OSBPL1A: variants seen among roughly 807,000 people sequenced by gnomAD.
OSBPL1A encodes the protein oxysterol binding protein like 1A.
A neutral mutation model predicts 137.1 loss-of-function variants in OSBPL1A; 80 were observed. The ratio of observed to expected loss-of-function variants is 0.58; its 90% confidence interval spans 0.49 to 0.70. OSBPL1A has a LOEUF of 0.70. OSBPL1A is among the 30% of genes least tolerant of loss of function. OSBPL1A has a pLI of 0.00. For synonymous variants in OSBPL1A, 365 were observed against 389.7 expected (o/e 0.94, Z 0.75); for missense variants, 970 against 1,129.4 (o/e 0.86, Z 2.02).
At chr18:24,317,810 C>T (rs866681037) in intron 9 of OSBPL1A, among the ~76,000 whole-genome samples, 2 of 152,262 alleles carry the variant, frequency 1.3e-5, no homozygotes, top group African/African-American at 4.8e-5. Flanking sequence ...GGATTGCTTG[C>T]AAATGCAAAA....
In OSBPL1A at chr18:24,178,512, C is replaced by T. The variant is rs1330930279; in HGVS notation, c.1911-317G>A. ...TTCATCATGTTGGCCAGGTTGGTTT[C>T]GAACTCCTGACCTCGTGATCAACCC... On this transcript the variant is annotated intron_variant, in intron 20 of 27. Coordinates refer to ENST00000319481, the MANE Select transcript of OSBPL1A (RefSeq NM_080597.4). Among the ~76,000 whole-genome samples, 3 of 152,140 alleles carry T rather than the reference C, an allele frequency of 2.0e-5. No homozygotes were observed. In the East Asian group the frequency reaches 5.8e-4, roughly 29 times the overall value.
intron 13 of OSBPL1A, among the ~76,000 whole-genome samples, chr18:24,305,610 G>A (rs930509495): frequency 6.6e-6 from 1 of 152,132 alleles, no homozygotes; most frequent in Non-Finnish European, 1.5e-5. Flanking sequence ...ATTTTGCAGA[G>A]TCCAACATGG....
chr18:24,230,440 C>CAACA (rs1366242098), intron 16 of OSBPL1A, among the ~76,000 whole-genome samples: 1 of 152,088 alleles, frequency 6.6e-6, no homozygotes, highest in Non-Finnish European at 1.5e-5. Context: ...ATAAAAACAA[C>CAACA]AACAAACAAA....
At chr18:24,346,865 A>G (rs1318163524) in intron 4 of OSBPL1A, among the ~76,000 whole-genome samples, 1 of 151,906 alleles carries the variant, frequency 6.6e-6, no homozygotes, top group Non-Finnish European at 1.5e-5. Flanking sequence ...TCAGCCTCCC[A>G]AAGTGCTGGG....
intron 6 of OSBPL1A, among the ~76,000 whole-genome samples, chr18:24,333,420 C>G (rs2091119862): frequency 6.6e-6 from 1 of 152,248 alleles, no homozygotes; most frequent in Non-Finnish European, 1.5e-5. Flanking sequence ...ATACTTGTGA[C>G]AGCAGAATTA....
At chr18:24,331,298 G>A (rs918552618) in intron 7 of OSBPL1A, among the ~76,000 whole-genome samples, 7 of 152,116 alleles carry the variant, frequency 4.6e-5, no homozygotes, top group African/African-American at 1.7e-4. Context: ...GTGAACGCAG[G>A]GTCCTGTGGG....
At chr18:24,170,567 G>C in intron 23 of OSBPL1A, 114 bp from the exon 24 acceptor site, 1 of 1,182,406 alleles carries the variant, frequency 8.5e-7, no homozygotes, top group Non-Finnish European at 1.2e-6. Context: ...GCCTGACCCT[G>C]CTTAGCTTCC....
At chr18:24,228,060 G>C (rs1435572688) in intron 16 of OSBPL1A, among the ~76,000 whole-genome samples, 1 of 152,028 alleles carries the variant, frequency 6.6e-6, no homozygotes, top group African/African-American at 2.4e-5. Context: ...GACGGACTTC[G>C]CAGAACAAGA....
chr18:24,269,413 T>C (rs2089660753), intron 15 of OSBPL1A, among the ~76,000 whole-genome samples: 1 of 152,224 alleles, frequency 6.6e-6, no homozygotes, highest in Non-Finnish European at 1.5e-5. Flanking sequence ...TCTGGGTATG[T>C]TGCACCTTCT....
intron 18 of OSBPL1A, among the ~76,000 whole-genome samples, chr18:24,189,250 C>G (rs1257781170): frequency 1.3e-5 from 2 of 152,164 alleles, no homozygotes; most frequent in African/African-American, 4.8e-5. Context: ...TTGAGCTCAT[C>G]TGAAATTGAA....
At chr18:24,263,782 T>C (rs1191325099) in intron 15 of OSBPL1A, among the ~76,000 whole-genome samples, 1 of 152,050 alleles carries the variant, frequency 6.6e-6, no homozygotes, top group Non-Finnish European at 1.5e-5. Flanking sequence ...ATTACAGGCA[T>C]GCGTCACTGC....
At chr18:24,396,928 AT>A (rs1431097503) in intron 1 of OSBPL1A, among the ~76,000 whole-genome samples, 1 of 152,184 alleles carries the variant, frequency 6.6e-6, no homozygotes, top group Non-Finnish European at 1.5e-5. Context: ...TAATTATATT[AT>A]TAACTATTCA....
chr18:24,295,155 A>G lies in OSBPL1A; in HGVS notation c.1174+8482T>C, dbSNP rs143322910. Among the ~76,000 whole-genome samples, 590 of 152,192 alleles carry G rather than the reference A, an allele frequency of 3.9e-3. 3 individuals carry two copies. The highest frequency in any genetic ancestry group is 0.014 in the African/African-American group (569 of 41,534). ...CCTTGTGGTTTGGATTTCCATTTCC[A>G]TGATGATTAGTGCTGTTGAGCATTT... On this transcript the variant is annotated intron_variant, in intron 14 of 27. Transcript: ENST00000319481.
At chr18:24,355,433 G>A (rs145128554) in intron 4 of OSBPL1A, among the ~76,000 whole-genome samples, 6,641 of 151,816 alleles carry the variant, frequency 0.044, 473 homozygotes, top group African/African-American at 0.15. Flanking sequence ...CCCGGGAGGC[G>A]GAGGTTGCAG....
chr18:24,286,215 A>G (rs16940640), intron 14 of OSBPL1A, among the ~76,000 whole-genome samples: 23,951 of 152,152 alleles, frequency 0.16, 3,315 homozygotes, highest in African/African-American at 0.38. Flanking sequence ...AAATGCTTCA[A>G]TGAAAATCAG....
chr18:24,383,568 C>A (rs1416952450), intron 1 of OSBPL1A, among the ~76,000 whole-genome samples: 1 of 152,144 alleles, frequency 6.6e-6, no homozygotes. Context: ...TGATCCTGCC[C>A]AACATGGTGA....
At chr18:24,203,231 C>T (rs1220535906) in intron 17 of OSBPL1A, among the ~76,000 whole-genome samples, 1 of 152,200 alleles carries the variant, frequency 6.6e-6, no homozygotes, top group African/African-American at 2.4e-5. Flanking sequence ...CCCTCCGTGG[C>T]CTCCCAAAGT....
At chr18:24,171,378 T>C (rs779135055) in intron 23 of OSBPL1A, 31 bp downstream of exon 23, 10 of 1,507,264 alleles carry the variant, frequency 6.6e-6, no homozygotes, top group South Asian at 3.5e-5. Flanking sequence ...ACAAAATCTA[T>C]ACTATTCAAC....
rs1433684869 is a variant in OSBPL1A, at chr18:24,332,662, A to G, written c.625+280T>C. Among the ~76,000 whole-genome samples, 3 of 151,984 alleles carry G rather than the reference A, an allele frequency of 2.0e-5. No homozygotes were observed. The East Asian group carries it at 5.8e-4, about 29-fold the overall frequency. ...GGAACCTAATCCTGTATTTTCCCCT[A>G]GGAACAATAGTTCAGTGTTCCCTAA... On this transcript the variant is annotated intron_variant, in intron 7 of 27. Transcript: ENST00000319481.
Sources: allele counts gnomAD v4.1 joint callset (sites outside exome capture counted in the v4.1 genomes callset), GRCh38; gene constraint gnomAD v4.1.1; transcripts MANE v1.5; gene names NCBI Gene and HGNC (gene_info 2026-07-23, HGNC 2026-07-21).